The following PTPRD variants were observed in gnomAD, a reference collection of about 807,000 sequenced individuals.
PTPRD encodes protein tyrosine phosphatase receptor type D.
A neutral mutation model predicts 214.5 loss-of-function variants in PTPRD; 34 were observed. The observed-to-expected ratio is 0.16, with a 90% confidence interval of 0.12 to 0.21. PTPRD has a LOEUF of 0.21. Ranked by LOEUF, PTPRD falls within the 10% of genes least tolerant of loss-of-function variation. PTPRD has a pLI of 1.00. For synonymous variants in PTPRD, 1,128 were observed against 845.7 expected, an observed-to-expected ratio of 1.33 and a Z score of -5.79; for missense variants, 2,545 against 2,398.7, an observed-to-expected ratio of 1.06 and a Z score of -1.27.
intron 12 of PTPRD, among the ~76,000 whole-genome samples, chr9:8,731,935 G>C (rs1266839821): frequency 2.0e-5 from 3 of 152,178 alleles, no homozygotes; most frequent in East Asian, 1.9e-4. Flanking sequence ...AGGAGTGAGA[G>C]GGAGTAGATT....
intron 3 of PTPRD, among the ~76,000 whole-genome samples, chr9:10,327,893 A>G (rs1424513420): frequency 6.6e-6 from 1 of 151,742 alleles, no homozygotes; most frequent in Non-Finnish European, 1.5e-5. Flanking sequence ...TTTGATACCT[A>G]TTTGAAAGAA....
chr9:9,909,251 A>G (rs566460922), intron 5 of PTPRD, among the ~76,000 whole-genome samples: 1 of 151,738 alleles, frequency 6.6e-6, no homozygotes, highest in Non-Finnish European at 1.5e-5. Context: ...CTTCTCTCAT[A>G]TAATATTGCT....
chr9:10,080,597 T>C lies in PTPRD; in HGVS notation c.-544-46807A>G, dbSNP rs181557895. 4.2e-3 allele frequency among the ~76,000 whole-genome samples: 639 copies of C among 152,254 alleles called. 1 individual carries two copies. Among genetic ancestry groups the C allele is most frequent in the Non-Finnish European group, 7.1e-3 (481 of 68,002 alleles). The stretch of plus-strand genomic sequence containing the variant: ...AAACCATTAAGAAACATGTTCTACA[T>C]GCAAATAACAGTACAGTTAACATAA... On this transcript the variant is annotated intron_variant, in intron 3 of 45. Transcript: ENST00000381196.
At chr9:9,168,824 C>A (rs545822130) in intron 10 of PTPRD, among the ~76,000 whole-genome samples, 2 of 151,896 alleles carry the variant, frequency 1.3e-5, no homozygotes, top group East Asian at 1.9e-4. Context: ...TTGAATAAGA[C>A]CTTAAATCAT....
chr9:10,055,824 A>T (rs1404938948), intron 3 of PTPRD, among the ~76,000 whole-genome samples: 1 of 151,516 alleles, frequency 6.6e-6, no homozygotes, highest in Non-Finnish European at 1.5e-5. Context: ...TGTATAATGT[A>T]TACATTATAC....
chr9:10,414,958 C>G (rs1216021403), intron 2 of PTPRD, among the ~76,000 whole-genome samples: 2 of 151,192 alleles, frequency 1.3e-5, no homozygotes, highest in Admixed American at 1.3e-4. Flanking sequence ...AAGAGAGGAG[C>G]AGAAATAATA....
chr9:8,484,189 T>C lies in PTPRD; in HGVS notation c.3343A>G (p.Ile1115Val), dbSNP rs780731723. The change falls in exon 30 of 46, where the codon ATT (isoleucine) becomes GTT (valine). Residue 1115 changes from isoleucine (I) to valine (V), a missense_variant. By Grantham distance (29) the Ile-to-Val change is conservative (BLOSUM62 3). Coordinates refer to ENST00000381196, the MANE Select transcript of PTPRD (RefSeq NM_002839.4). ...PDVLRTKPAFIGKTNLDGMIT... is the reference protein window; with the variant it reads ...PDVLRTKPAFVGKTNLDGMIT... ...ATGCCATCCAAGTTGGTCTTCCCAATGAAGGCAGGCTTGGTACGTAATACA... is the reference window on the plus strand; with the variant it reads ...ATGCCATCCAAGTTGGTCTTCCCAACGAAGGCAGGCTTGGTACGTAATACA... The C allele has an allele frequency of 9.9e-6, 16 of 1,614,234 alleles. No homozygotes were observed. The highest frequency in any genetic ancestry group is 7.7e-5 in the South Asian group (7 of 91,092).
intron 2 of PTPRD, among the ~76,000 whole-genome samples, chr9:10,604,178 TTCTG>T (rs1567169846): frequency 2.6e-5 from 4 of 151,518 alleles, no homozygotes; most frequent in African/African-American, 7.3e-5. Flanking sequence ...TTCTGACCTA[TTCTG>T]ACCATATTCT....
chr9:10,013,392 T>A (rs1229000490), intron 4 of PTPRD, among the ~76,000 whole-genome samples: 2 of 151,938 alleles, frequency 1.3e-5, no homozygotes, highest in African/African-American at 4.8e-5. Flanking sequence ...AAATAATCAA[T>A]CCTGATTTAT....
chr9:9,986,633 A>T (rs1482113026), intron 4 of PTPRD, among the ~76,000 whole-genome samples: 1 of 152,168 alleles, frequency 6.6e-6, no homozygotes, highest in East Asian at 1.9e-4. Flanking sequence ...TAGGTTGAAT[A>T]TAAGTTACTT....
At chr9:9,112,380 A>AT in intron 10 of PTPRD, among the ~76,000 whole-genome samples, 1 of 152,252 alleles carries the variant, frequency 6.6e-6, no homozygotes, top group Admixed American at 6.5e-5. Context: ...AGCCTCTAAC[A>AT]TTCCTCATGA....
chr9:9,165,430 G>T (rs1390264673), intron 10 of PTPRD, among the ~76,000 whole-genome samples: 1 of 152,150 alleles, frequency 6.6e-6, no homozygotes, highest in Non-Finnish European at 1.5e-5. Context: ...TGCAGATGAA[G>T]GTAGGTGAAG....
intron 11 of PTPRD, among the ~76,000 whole-genome samples, chr9:8,772,352 G>A (rs2095265636): frequency 6.6e-6 from 1 of 150,740 alleles, no homozygotes; most frequent in South Asian, 2.1e-4. Context: ...ATATTTGCAT[G>A]TCACTACTTA....
At chr9:10,585,118 A>G (rs2073468081) in intron 2 of PTPRD, among the ~76,000 whole-genome samples, 1 of 152,186 alleles carries the variant, frequency 6.6e-6, no homozygotes, top group South Asian at 2.1e-4. Context: ...GATATTTAGT[A>G]ATATTAAATA....
intron 9 of PTPRD, among the ~76,000 whole-genome samples, chr9:9,250,689 G>C (rs2131555858): frequency 6.6e-6 from 1 of 152,068 alleles, no homozygotes; most frequent in African/African-American, 2.4e-5. Context: ...GGGGCCTTTG[G>C]CCTTTTTGGG....
chr9:9,416,975 G>C (rs143164959), intron 8 of PTPRD, among the ~76,000 whole-genome samples: 13 of 152,136 alleles, frequency 8.5e-5, no homozygotes, highest in African/African-American at 3.1e-4. Context: ...GTTAATCTGG[G>C]TTTCTACTAA....
At chr9:8,828,977 A>C (rs1366581017) in intron 11 of PTPRD, among the ~76,000 whole-genome samples, 1 of 152,198 alleles carries the variant, frequency 6.6e-6, no homozygotes, top group Admixed American at 6.5e-5. Flanking sequence ...TATTCTTGGA[A>C]ATACTCTATC....
At chr9:10,183,269 C>CCCAA (rs2099311328) in intron 3 of PTPRD, among the ~76,000 whole-genome samples, 1 of 151,868 alleles carries the variant, frequency 6.6e-6, no homozygotes, top group Non-Finnish European at 1.5e-5. Flanking sequence ...AAACAGAGGA[C>CCCAA]TATGATTGGG....
At chr9:8,894,135 C>T (rs1019067238) in intron 11 of PTPRD, among the ~76,000 whole-genome samples, 1 of 151,956 alleles carries the variant, frequency 6.6e-6, no homozygotes, top group East Asian at 1.9e-4. Flanking sequence ...GGGTGGATCA[C>T]CTGAGGTCAG....
Sources: allele counts gnomAD v4.1 joint callset (sites outside exome capture counted in the v4.1 genomes callset), GRCh38; gene constraint gnomAD v4.1.1; transcripts MANE v1.5; gene names NCBI Gene and HGNC (gene_info 2026-07-23, HGNC 2026-07-21).